Variants in RPS6KA5 observed in about 807,000 individuals in gnomAD.
RPS6KA5 encodes the protein ribosomal protein S6 kinase alpha-5.
In RPS6KA5, 27 loss-of-function variants were observed where a neutral mutation model predicts 85.5. The observed-to-expected ratio is 0.32, with a 90% CI of 0.23 to 0.44. The LOEUF is 0.44. Among genes scored for constraint, RPS6KA5 ranks in the 20% least tolerant of loss-of-function variants. The pLI is 1.00. For missense variants in RPS6KA5, 811 were observed against 980.9 expected, an observed-to-expected ratio of 0.83 and a Z score of 2.31; for synonymous variants, 334 against 348.2, an observed-to-expected ratio of 0.96 and a Z score of 0.46.
chr14:91,023,696 C>T (rs961940435), intron 1 of RPS6KA5, among the ~76,000 whole-genome samples: 4 of 151,872 alleles, frequency 2.6e-5, no homozygotes, highest in East Asian at 1.9e-4. Flanking sequence ...CACAAAGTTG[C>T]TCCAGTGCTG....
At chr14:90,938,838 T>C (rs1408204347) in intron 5 of RPS6KA5, among the ~76,000 whole-genome samples, 3 of 152,216 alleles carry the variant, frequency 2.0e-5, no homozygotes, top group Non-Finnish European at 4.4e-5. Context: ...TCCAGGCCTA[T>C]GATGGGAGGG....
chr14:90,875,022 T>C (rs1296589031), intron 15 of RPS6KA5, among the ~76,000 whole-genome samples, 179 bp downstream of exon 15: 3 of 152,182 alleles, frequency 2.0e-5, no homozygotes, highest in Non-Finnish European at 4.4e-5. Flanking sequence ...GAAATGTGGA[T>C]ACCATTACTA....
chr14:90,860,941 G>A lies in RPS6KA5; in HGVS notation c.*11133C>T, dbSNP rs79501772. On this transcript the variant is annotated 3_prime_UTR_variant, in exon 17 of 17. Transcript: ENST00000614987. ...AGTTTCGCTCTTGTTGCCCAATCTGGAGTGCAATGGTGCGACCTTGGCTCA... is the reference window on the plus strand; with the variant it reads ...AGTTTCGCTCTTGTTGCCCAATCTGAAGTGCAATGGTGCGACCTTGGCTCA... The A allele has an allele frequency of 0.2, 29,963 of 148,150 alleles. 3,260 individuals are homozygous for A. The highest frequency in any genetic ancestry group is 0.27 in the Admixed American group (4,067 of 14,882). The allele number at this position is 148,150 out of a possible 1,614,324, so 9.2% of individuals were successfully genotyped here. A position where few individuals can be genotyped will look rare whatever the true frequency, so the allele number is the denominator to read the frequency against.
At chr14:90,888,419 T>TA (rs1338259752) in intron 14 of RPS6KA5, among the ~76,000 whole-genome samples, 1 of 152,194 alleles carries the variant, frequency 6.6e-6, no homozygotes, top group African/African-American at 2.4e-5. Flanking sequence ...GACATGCTAC[T>TA]AATAAAAATG....
At chr14:90,886,863 A>G (rs2034261086) in intron 14 of RPS6KA5, among the ~76,000 whole-genome samples, 1 of 152,258 alleles carries the variant, frequency 6.6e-6, no homozygotes. Flanking sequence ...GTTGTAATCA[A>G]AACCTCATAA....
rs760077770 is a variant in RPS6KA5 at position 90,906,161 on chromosome 14, A to C, written c.945T>G (p.His315Gln). 5.6e-6 allele frequency: 9 copies of C among 1,602,256 alleles called. No homozygotes were observed. The highest frequency in any genetic ancestry group is 3.4e-5 in the Admixed American group (2 of 59,192). Residue 315 changes from histidine to glutamine, a missense_variant, in exon 8 of 17, where the codon CAT becomes CAG. By Grantham distance (24) the His-to-Gln change is conservative (BLOSUM62 0). Transcript: ENST00000614987. ...TCAATAATTTCACCTGAAAGAAGAG[A>C]TGTTCTTTGATTTCATCTGCATCAC... ...GPRDADEIKE[H>Q]LFFQKINWDD... is the part of the protein sequence containing the mutation.
At chr14:90,907,749 T>A (rs2035591443) in intron 7 of RPS6KA5, among the ~76,000 whole-genome samples, 1 of 152,222 alleles carries the variant, frequency 6.6e-6, no homozygotes, top group Non-Finnish European at 1.5e-5. Flanking sequence ...TTTGATTCTT[T>A]AATACTCTCC....
intron 9 of RPS6KA5, among the ~76,000 whole-genome samples, chr14:90,901,445 T>C (rs1449358459): frequency 6.6e-6 from 1 of 152,238 alleles, no homozygotes; most frequent in Non-Finnish European, 1.5e-5. Flanking sequence ...AAAGTTAGTT[T>C]CTAATTTAGC....
At chr14:90,982,022 A>T (rs2039810089) in intron 2 of RPS6KA5, among the ~76,000 whole-genome samples, 1 of 152,244 alleles carries the variant, frequency 6.6e-6, no homozygotes, top group African/African-American at 2.4e-5. Flanking sequence ...GCAGAGAAAG[A>T]AAGTAAAGTA....
intron 7 of RPS6KA5, among the ~76,000 whole-genome samples, chr14:90,909,301 CAA>C (rs2035677405): frequency 6.6e-6 from 1 of 152,160 alleles, no homozygotes; most frequent in Non-Finnish European, 1.5e-5. Context: ...GGTAATATCC[CAA>C]AGTTATCTTT....
At chr14:90,898,975 G>C (rs1816777012) in intron 12 of RPS6KA5, among the ~76,000 whole-genome samples, 1 of 152,146 alleles carries the variant, frequency 6.6e-6, no homozygotes, top group Non-Finnish European at 1.5e-5. Flanking sequence ...AAATTCCTGA[G>C]TCCTGAGAGG....
chr14:90,929,560 A>C (rs1421422206), intron 5 of RPS6KA5, among the ~76,000 whole-genome samples: 3 of 152,294 alleles, frequency 2.0e-5, no homozygotes, highest in Admixed American at 6.5e-5. Context: ...TATATGTATA[A>C]AATATTACAG....
At chr14:90,948,165 G>A (rs540286290) in intron 3 of RPS6KA5, among the ~76,000 whole-genome samples, 7 of 152,294 alleles carry the variant, frequency 4.6e-5, no homozygotes, top group South Asian at 2.1e-4. Flanking sequence ...AATGAAATAG[G>A]TGACCAAAAG....
At chr14:90,890,363 T>G in intron 14 of RPS6KA5, 124 bp downstream of exon 14, 1 of 642,676 alleles carries the variant, frequency 1.6e-6, no homozygotes, top group Non-Finnish European at 2.5e-6. Flanking sequence ...TCTAACTGGC[T>G]GTACAGAAAA....
At chr14:90,945,641 T>C (rs1449343431) in intron 4 of RPS6KA5, among the ~76,000 whole-genome samples, 2 of 152,228 alleles carry the variant, frequency 1.3e-5, no homozygotes, top group East Asian at 3.8e-4. Context: ...TCTCATTCCA[T>C]ATCAATTGCA....
intron 3 of RPS6KA5, among the ~76,000 whole-genome samples, chr14:90,960,409 A>G (rs1037567410): frequency 4.6e-5 from 7 of 152,318 alleles, no homozygotes; most frequent in African/African-American, 1.7e-4. Flanking sequence ...CTCAAAAGGA[A>G]TGTGGCGGAT....
At position 91,058,700 on chromosome 14, in the gene RPS6KA5, T is replaced by C. The variant is rs546293001; in HGVS notation, c.103+1632A>G. ...TTGAAAATATCAGTTGTCTATGAAA[T>C]TGAGAGAAGAAAAACCAAATCACCT... On this transcript the variant is annotated intron_variant, in intron 1 of 16. Transcript: ENST00000614987. 2.0e-4 allele frequency among the ~76,000 whole-genome samples: 30 copies of C among 152,256 alleles called. 1 individual carries two copies. In the South Asian group the frequency reaches 5.8e-3, roughly 29 times the overall value.
intron 1 of RPS6KA5, among the ~76,000 whole-genome samples, chr14:91,004,136 A>G (rs1339785592): frequency 1.3e-5 from 2 of 152,104 alleles, no homozygotes; most frequent in Non-Finnish European, 2.9e-5. Flanking sequence ...CCCAGGCTGG[A>G]GTGCAGTGGC....
intron 1 of RPS6KA5, among the ~76,000 whole-genome samples, chr14:91,058,592 A>C (rs2043430164): frequency 6.6e-6 from 1 of 152,216 alleles, no homozygotes; most frequent in South Asian, 2.1e-4. Flanking sequence ...AAAAATTCAA[A>C]ATCTTCACAC....
Sources: allele counts gnomAD v4.1 joint callset (sites outside exome capture counted in the v4.1 genomes callset), GRCh38; gene constraint gnomAD v4.1.1; transcripts MANE v1.5; gene names NCBI Gene and HGNC (gene_info 2026-07-23, HGNC 2026-07-21).